Variants in DYM observed in about 807,000 individuals in gnomAD.
The protein encoded by DYM is dymeclin, also known as dyggve-Melchior-Clausen syndrome protein.
Under a neutral mutation model 93.1 loss-of-function variants are expected in DYM, and 78 were observed. The ratio of observed to expected loss-of-function variants is 0.84; its 90% CI spans 0.70 to 1.01. The LOEUF is 1.01. Ranked by LOEUF, DYM falls within the 50% of genes least tolerant of loss-of-function variation. The pLI, the probability that DYM is intolerant of heterozygous loss-of-function variation, is 0.00. For missense variants in DYM, 789 were observed against 845.0 expected, an observed-to-expected ratio of 0.93 and a Z score of 0.82; for synonymous variants, 321 against 319.7, an observed-to-expected ratio of 1.00 and a Z score of -0.04.
chr18:49,089,542 C>T (rs1028154358), intron 17 of DYM, among the ~76,000 whole-genome samples: 1 of 152,208 alleles, frequency 6.6e-6, no homozygotes, highest in African/African-American at 2.4e-5. Flanking sequence ...GCCATCATCT[C>T]CTTAGTTTTT....
intron 8 of DYM, among the ~76,000 whole-genome samples, chr18:49,289,762 T>TACAC (rs2059964693): frequency 7.1e-5 from 3 of 42,154 alleles, no homozygotes; most frequent in African/African-American, 9.2e-5. Flanking sequence ...TATATATATA[T>TACAC]ATATATATAT....
At chr18:49,142,980 G>A (rs912593876) in intron 15 of DYM, among the ~76,000 whole-genome samples, 1 of 152,094 alleles carries the variant, frequency 6.6e-6, no homozygotes, top group South Asian at 2.1e-4. Flanking sequence ...GATCAATTTC[G>A]TTCAGGAAGA....
intron 15 of DYM, among the ~76,000 whole-genome samples, chr18:49,119,540 A>G (rs2082196818): frequency 6.6e-6 from 1 of 152,198 alleles, no homozygotes; most frequent in Non-Finnish European, 1.5e-5. Context: ...TATACAACAG[A>G]CTTTCCTCTC....
At chr18:49,447,894 A>AC (rs1196226205) in intron 1 of DYM, among the ~76,000 whole-genome samples, 1 of 151,340 alleles carries the variant, frequency 6.6e-6, no homozygotes, top group African/African-American at 2.4e-5. Context: ...GGGCTCCCTG[A>AC]CCCCCCAACA....
At chr18:49,128,412 T>C (rs1269048980) in intron 15 of DYM, among the ~76,000 whole-genome samples, 2 of 152,222 alleles carry the variant, frequency 1.3e-5, no homozygotes, top group Non-Finnish European at 2.9e-5. Context: ...GAAATCCCTT[T>C]CCACAGCCTA....
intron 13 of DYM, among the ~76,000 whole-genome samples, chr18:49,214,585 G>C (rs2092941479): frequency 6.6e-6 from 1 of 151,344 alleles, no homozygotes; most frequent in Admixed American, 6.6e-5. Flanking sequence ...AGATAAATTT[G>C]TTAAGCAAAT....
chr18:49,205,125 TA>T (rs1159785795), intron 14 of DYM, among the ~76,000 whole-genome samples: 1 of 152,106 alleles, frequency 6.6e-6, no homozygotes, highest in Admixed American at 6.5e-5. Context: ...TACACCCAGC[TA>T]ATTTTTTGTA....
intron 13 of DYM, among the ~76,000 whole-genome samples, chr18:49,251,054 C>G (rs1598903468): frequency 6.6e-6 from 1 of 152,192 alleles, no homozygotes; most frequent in Non-Finnish European, 1.5e-5. Flanking sequence ...TCAGTAGCAA[C>G]CTCTTTCCCA....
At chr18:49,158,591 A>C (rs776213640) in intron 15 of DYM, among the ~76,000 whole-genome samples, 1 of 152,190 alleles carries the variant, frequency 6.6e-6, no homozygotes. Flanking sequence ...AAAAATCTTT[A>C]AGGGACATTT....
chr18:49,201,566 G>A (rs2091991397), intron 14 of DYM, among the ~76,000 whole-genome samples: 2 of 152,154 alleles, frequency 1.3e-5, no homozygotes, highest in African/African-American at 2.4e-5. Flanking sequence ...TACATGAAAT[G>A]GCCTGGCCTA....
At position 49,209,423 on chromosome 18, in the gene DYM, AT is replaced by A; in HGVS notation, c.1625+127del. The A allele has an allele frequency of 6.4e-6, 4 of 625,972 alleles. No homozygotes were observed. In the South Asian group the frequency reaches 1.2e-4, roughly 18 times the overall value. The allele number at this position is 625,972 out of a possible 1,614,324, so 38.8% of individuals were successfully genotyped here. A position where few individuals can be genotyped will look rare whatever the true frequency, so the allele number is the denominator to read the frequency against. ...ATCCAGCTATTATTTTAAAAAAATT[AT>A]TTAGTACCATTTCAAATATAAATGT... On this transcript the variant is annotated intron_variant, in intron 14 of 17. Transcript: ENST00000675505.
chr18:49,458,659 AG>A lies in DYM; in HGVS notation c.-54+1738del, dbSNP rs1323248394. ...CGTGACCAGCCTGAGCAACATGATG[AG>A]ACCCCCGTCTCTACTAAAAATACAA... is the stretch of plus-strand genomic sequence containing the variant. On this transcript the variant is annotated intron_variant, in intron 1 of 17. Coordinates refer to ENST00000675505, the MANE Select transcript of DYM (RefSeq NM_001353214.3). Among the ~76,000 whole-genome samples, 8 of 152,138 alleles carry A rather than the reference AG, an allele frequency of 5.3e-5. No homozygotes were observed. The South Asian group carries it at 1.5e-3, about 28-fold the overall frequency.
intron 13 of DYM, among the ~76,000 whole-genome samples, chr18:49,233,802 G>A (rs902732310): frequency 1.3e-5 from 2 of 152,082 alleles, no homozygotes; most frequent in African/African-American, 2.4e-5. Flanking sequence ...TAGATTGAAG[G>A]TCTCCTGGCA....
chr18:49,355,842 T>C (rs2065516490), intron 6 of DYM, among the ~76,000 whole-genome samples: 1 of 152,206 alleles, frequency 6.6e-6, no homozygotes, highest in Non-Finnish European at 1.5e-5. Flanking sequence ...AAAATAATGG[T>C]ATATTATTTA....
chr18:49,127,279 A>T (rs2082915431), intron 15 of DYM, among the ~76,000 whole-genome samples: 1 of 152,230 alleles, frequency 6.6e-6, no homozygotes, highest in African/African-American at 2.4e-5. Context: ...GATACATCAA[A>T]TATGTTGGGA....
chr18:49,063,220 G>A (rs1039771761), intron 17 of DYM, among the ~76,000 whole-genome samples: 1 of 152,074 alleles, frequency 6.6e-6, no homozygotes, highest in African/African-American at 2.4e-5. Context: ...ACCTGACACA[G>A]GTCTGTCCAG....
chr18:49,107,101 A>G (rs2080897677), intron 16 of DYM, among the ~76,000 whole-genome samples: 1 of 151,876 alleles, frequency 6.6e-6, no homozygotes, highest in Non-Finnish European at 1.5e-5. Context: ...GGCTTTGTTC[A>G]TTTCTTTTTA....
intron 2 of DYM, among the ~76,000 whole-genome samples, chr18:49,419,496 G>A (rs28419690): frequency 0.076 from 11,570 of 152,148 alleles, 604 homozygotes; most frequent in African/African-American, 0.14. Context: ...AATTATTCCC[G>A]TCACTATTTT....
intron 13 of DYM, among the ~76,000 whole-genome samples, chr18:49,250,513 G>T (rs911336004): frequency 6.6e-6 from 1 of 152,134 alleles, no homozygotes; most frequent in Non-Finnish European, 1.5e-5. Context: ...GTGATCCATG[G>T]GCTGCTACGA....
Sources: gnomAD v4.1 joint callset for allele counts (sites outside exome capture counted in the v4.1 genomes callset) on GRCh38, gnomAD v4.1.1 for gene constraint, MANE v1.5 for transcripts, NCBI Gene and HGNC (gene_info 2026-07-23, HGNC 2026-07-21) for gene names.